ADAMTSL1: variants seen among roughly 807,000 people sequenced by gnomAD.
ADAMTSL1 encodes ADAMTS-like protein 1.
Under a neutral mutation model 201.8 loss-of-function variants are expected in ADAMTSL1, and 126 were observed. That is an observed-to-expected ratio of 0.62 (90% CI 0.54 to 0.72). The LOEUF (loss-of-function observed/expected upper bound fraction) is 0.72. Among genes scored for constraint, ADAMTSL1 ranks in the 30% least tolerant of loss-of-function variants. The pLI is 0.00. For missense variants in ADAMTSL1, 2,679 were observed against 2,277.8 expected (o/e 1.18, Z -3.59); for synonymous variants, 1,121 against 903.4 (o/e 1.24, Z -4.32).
At chr9:18,435,121 A>G (rs969049989) in intron 2 of ADAMTSL1, among the ~76,000 whole-genome samples, 2 of 152,236 alleles carry the variant, frequency 1.3e-5, no homozygotes, top group African/African-American at 2.4e-5. Flanking sequence ...AGGATTATAC[A>G]GTCTAGTAAT....
At chr9:18,287,153 G>T (rs889568483) in intron 2 of ADAMTSL1, among the ~76,000 whole-genome samples, 2 of 152,068 alleles carry the variant, frequency 1.3e-5, no homozygotes, top group Non-Finnish European at 2.9e-5. Flanking sequence ...CTTGTTACTG[G>T]ATATTGCCAG....
At chr9:18,890,404 G>GTAGTT in intron 25 of ADAMTSL1, 1 of 417,952 alleles carries the variant, frequency 2.4e-6, no homozygotes, top group Non-Finnish European at 4.8e-6. Flanking sequence ...GTCCTCAGCA[G>GTAGTT]TAGTTAAATG....
At chr9:18,014,180 G>A (rs1415517037) in intron 1 of ADAMTSL1, among the ~76,000 whole-genome samples, 2 of 151,906 alleles carry the variant, frequency 1.3e-5, no homozygotes, top group Non-Finnish European at 2.9e-5. Flanking sequence ...GGGGCTGTGT[G>A]CCCCAGGAAG....
intron 2 of ADAMTSL1, among the ~76,000 whole-genome samples, chr9:18,391,410 T>C (rs1838039005): frequency 2.0e-5 from 3 of 152,190 alleles, no homozygotes; most frequent in African/African-American, 2.4e-5. Flanking sequence ...AAAGTCATTG[T>C]ACTAGACAGG....
At chr9:18,844,941 C>A (rs1053848012) in intron 23 of ADAMTSL1, among the ~76,000 whole-genome samples, 1 of 152,226 alleles carries the variant, frequency 6.6e-6, no homozygotes, top group Admixed American at 6.5e-5. Context: ...TGCCGTCTGT[C>A]ACCCCTTTCT....
intron 13 of ADAMTSL1, among the ~76,000 whole-genome samples, chr9:18,701,553 T>C (rs1360895381): frequency 2.0e-5 from 3 of 152,162 alleles, no homozygotes; most frequent in Non-Finnish European, 2.9e-5. Flanking sequence ...ATTATTCAGT[T>C]TATTCCCTTC....
intron 2 of ADAMTSL1, among the ~76,000 whole-genome samples, chr9:18,390,756 AC>A (rs1838010974): frequency 6.6e-6 from 1 of 152,150 alleles, no homozygotes; most frequent in South Asian, 2.1e-4. Flanking sequence ...ACAACTCAGG[AC>A]CCATTCTAGC....
intron 2 of ADAMTSL1, among the ~76,000 whole-genome samples, chr9:18,175,020 G>C (rs973044814): frequency 6.6e-6 from 1 of 152,146 alleles, no homozygotes; most frequent in East Asian, 1.9e-4. Flanking sequence ...CTTTTGCTAA[G>C]AGAAAATATC....
chr9:18,071,357 G>T (rs1008303257), intron 1 of ADAMTSL1, among the ~76,000 whole-genome samples: 1 of 152,196 alleles, frequency 6.6e-6, no homozygotes, highest in Non-Finnish European at 1.5e-5. Context: ...GTGTCTGTCT[G>T]TTCCTTATTC....
At chr9:18,452,416 C>T (rs184726346) in intron 2 of ADAMTSL1, among the ~76,000 whole-genome samples, 83 of 152,262 alleles carry the variant, frequency 5.5e-4, no homozygotes, top group African/African-American at 1.9e-3. Context: ...CACTAATCCC[C>T]GAAGTCACAT....
At chr9:18,294,368 G>A (rs935526039) in intron 2 of ADAMTSL1, among the ~76,000 whole-genome samples, 13 of 152,302 alleles carry the variant, frequency 8.5e-5, no homozygotes, top group Non-Finnish European at 1.5e-4. Context: ...GTGGTCTTTT[G>A]TTTTGTGTGC....
At chr9:18,212,488 CTA>C (rs1829915888) in intron 2 of ADAMTSL1, among the ~76,000 whole-genome samples, 1 of 152,178 alleles carries the variant, frequency 6.6e-6, no homozygotes, top group Non-Finnish European at 1.5e-5. Context: ...TTACTTGTCA[CTA>C]TGTCAAACAG....
chr9:18,274,620 C>G (rs1276940271), intron 2 of ADAMTSL1, among the ~76,000 whole-genome samples: 1 of 151,862 alleles, frequency 6.6e-6, no homozygotes, highest in African/African-American at 2.4e-5. Context: ...AATTTCAGCA[C>G]CAAGGTTAAT....
intron 1 of ADAMTSL1, among the ~76,000 whole-genome samples, chr9:18,498,337 C>G (rs908891930): frequency 2.1e-5 from 3 of 144,728 alleles, no homozygotes; most frequent in African/African-American, 7.6e-5. Context: ...CCCCCCACCC[C>G]CTTTTTTTTT....
At chr9:18,506,772 A>G (rs936758999) in intron 2 of ADAMTSL1, among the ~76,000 whole-genome samples, 1 of 152,170 alleles carries the variant, frequency 6.6e-6, no homozygotes, top group Non-Finnish European at 1.5e-5. Flanking sequence ...AGTATTAAAA[A>G]TATATATTCA....
intron 7 of ADAMTSL1, among the ~76,000 whole-genome samples, chr9:18,643,886 T>A (rs1251283548): frequency 6.6e-6 from 1 of 151,920 alleles, no homozygotes; most frequent in Non-Finnish European, 1.5e-5. Context: ...TCCATTTGAA[T>A]TTTAGGGTTT....
chr9:17,953,972 T>C (rs1188141274), intron 1 of ADAMTSL1, among the ~76,000 whole-genome samples: 1 of 152,170 alleles, frequency 6.6e-6, no homozygotes, highest in Admixed American at 6.5e-5. Flanking sequence ...TTGGGTTCCT[T>C]AATTTTTTTC....
chr9:18,008,282 C>G (rs920791046), intron 1 of ADAMTSL1, among the ~76,000 whole-genome samples: 1 of 151,976 alleles, frequency 6.6e-6, no homozygotes, highest in African/African-American at 2.4e-5. Flanking sequence ...CCACATTGTC[C>G]TTTCCAATGT....
At chr9:18,305,960 C>T (rs1442313626) in intron 2 of ADAMTSL1, among the ~76,000 whole-genome samples, 1 of 152,124 alleles carries the variant, frequency 6.6e-6, no homozygotes. Context: ...CAGGAGAGCT[C>T]CAGCTGGCAT....
Sources: gnomAD v4.1 joint callset for allele counts (sites outside exome capture counted in the v4.1 genomes callset) on GRCh38, gnomAD v4.1.1 for gene constraint, MANE v1.5 for transcripts, NCBI Gene and HGNC (gene_info 2026-07-23, HGNC 2026-07-21) for gene names.